RAD54L: variants seen among roughly 807,000 people sequenced by gnomAD.
The protein encoded by RAD54L is RAD54 like.
A neutral mutation model predicts 91.6 loss-of-function variants in RAD54L; 74 were observed. That is an observed-to-expected ratio of 0.81 (90% CI 0.67 to 0.98). RAD54L has a LOEUF of 0.98. Ranked by LOEUF, RAD54L falls within the 50% of genes least tolerant of loss-of-function variation. The probability of loss-of-function intolerance (pLI) is 0.00; values close to 1 mark genes in which losing one functional copy is unlikely to be tolerated. For missense variants in RAD54L, 887 were observed against 945.7 expected (o/e 0.94, Z 0.81); for synonymous variants, 304 against 349.7 (o/e 0.87, Z 1.46).
chr1:46,253,389 G>A (rs564230865), intron 3 of RAD54L, among the ~76,000 whole-genome samples: 11 of 152,292 alleles, frequency 7.2e-5, no homozygotes, highest in South Asian at 6.2e-4. Context: ...CTAGGCGGGC[G>A]GATCACAAGG....
chr1:46,271,310 CTCCTGCCCT>C (rs1557706595), intron 10 of RAD54L, among the ~76,000 whole-genome samples: 1 of 152,180 alleles, frequency 6.6e-6, no homozygotes, highest in Admixed American at 6.5e-5. Context: ...CTAAAGAGTC[CTCCTGCCCT>C]TCCCAACAAC....
chr1:46,259,215 A>G lies in RAD54L; in HGVS notation c.271+469A>G, dbSNP rs558999014. Among the ~76,000 whole-genome samples, 23 of 149,610 alleles carry G rather than the reference A, an allele frequency of 1.5e-4. No homozygotes were observed. The South Asian group carries it at 2.3e-3, about 15-fold the overall frequency. On this transcript the variant is annotated intron_variant, in intron 4 of 17. Coordinates refer to ENST00000371975, the MANE Select transcript of RAD54L (RefSeq NM_003579.4). ...AATTTAATAGAGATAGGATTTCACT[A>G]TGTTGGCCAGGCTGATCTCGAACTC...
At chr1:46,253,720 C>T (rs1167407868) in intron 3 of RAD54L, among the ~76,000 whole-genome samples, 31 of 83,626 alleles carry the variant, frequency 3.7e-4, no homozygotes, top group South Asian at 4.6e-4. Flanking sequence ...CTTAGGTACT[C>T]TTTTTTTTTT....
At chr1:46,273,505 G>A (rs1313090332) in intron 13 of RAD54L, 40 bp downstream of exon 13, 3 of 1,610,222 alleles carry the variant, frequency 1.9e-6, no homozygotes, top group Non-Finnish European at 2.5e-6. Flanking sequence ...TCTCTAGGAG[G>A]AGGGTGGGAG....
chr1:46,277,900 T>TG lies in RAD54L; in HGVS notation c.1954dup (p.Val652GlyfsTer18). ...GCTGTGTGGTGGATGAGGAGCAGGA[T>TG]GTAGAGCGCCACTTCTCTCTGGGCG... On this transcript the variant is annotated frameshift_variant, in exon 17 of 18. Transcript: ENST00000371975. LOFTEE classifies it high-confidence loss of function. The TG allele has an allele frequency of 6.2e-7, 1 of 1,614,032 alleles. No individual in the cohort carries two copies. Among genetic ancestry groups the TG allele is most frequent in the East Asian group, 2.2e-5 (1 of 44,878 alleles).
chr1:46,249,463 G>C (rs1165903042), intron 2 of RAD54L, among the ~76,000 whole-genome samples: 1 of 152,220 alleles, frequency 6.6e-6, no homozygotes, highest in Non-Finnish European at 1.5e-5. Flanking sequence ...CCCTTGCCAT[G>C]TACATGGGTC....
At chr1:46,252,788 A>G (rs916306890) in intron 3 of RAD54L, among the ~76,000 whole-genome samples, 3 of 152,150 alleles carry the variant, frequency 2.0e-5, no homozygotes, top group South Asian at 4.1e-4. Flanking sequence ...ATGTACTTGC[A>G]GGCCAGGTGT....
intron 9 of RAD54L, among the ~76,000 whole-genome samples, chr1:46,270,318 G>A (rs576356304): frequency 1.3e-5 from 2 of 151,428 alleles, no homozygotes; most frequent in South Asian, 2.1e-4. Flanking sequence ...GCAGTGAGCC[G>A]AGATTGCACT....
chr1:46,275,949 G>A (rs1300244571), intron 16 of RAD54L, among the ~76,000 whole-genome samples: 2 of 138,010 alleles, frequency 1.4e-5, no homozygotes, highest in Non-Finnish European at 3.2e-5. Flanking sequence ...ACAGGATCCC[G>A]TCTTAAAAAA....
At position 46,272,453 on chromosome 1, in the gene RAD54L, C is replaced by G; in HGVS notation, c.1170-13C>G. 1 of 1,596,246 alleles carries G rather than the reference C, an allele frequency of 6.3e-7. No homozygotes were observed. The highest frequency in any genetic ancestry group is 8.6e-7 in the Non-Finnish European group (1 of 1,163,842). On this transcript the variant is annotated splice_polypyrimidine_tract_variant and intron_variant, in intron 10 of 17. Transcript: ENST00000371975. The stretch of plus-strand genomic sequence containing the variant: ...TTTACCAGCCTCTTGCCTTTTTATC[C>G]TGTTTTCTCTAGATGCCTGATACGG...
Position 46,278,123 on chromosome 1 carries a change from T to A in RAD54L, c.2085T>A (p.Asp695Glu), listed in dbSNP as rs1306812144. Residue 695 changes from aspartate (D) to glutamate (E), a missense_variant, in exon 18 of 18, where the codon GAT becomes GAA. By Grantham distance (45) the Asp-to-Glu change is conservative. Transcript: ENST00000371975. ...VNSRQIRPPP[D>E]GSDCTSDLAG... ...GCCGTCAGATCCGGCCACCCCCTGA[T>A]GGTTCTGACTGCACTTCAGACCTGG... 1 of 1,613,982 alleles carries A rather than the reference T, an allele frequency of 6.2e-7. No individual in the cohort carries two copies.
intron 16 of RAD54L, among the ~76,000 whole-genome samples, chr1:46,276,324 T>C (rs527823707): frequency 8.5e-5 from 13 of 152,222 alleles, no homozygotes; most frequent in African/African-American, 3.1e-4. Flanking sequence ...CACACCCGGA[T>C]AACTTTTTTT....
chr1:46,270,091 C>T (rs997862848), intron 9 of RAD54L, among the ~76,000 whole-genome samples: 4 of 151,730 alleles, frequency 2.6e-5, no homozygotes, highest in African/African-American at 4.8e-5. Context: ...AAAAATTGGC[C>T]GGGCACGGTG....
At chr1:46,253,508 C>G (rs1659856938) in intron 3 of RAD54L, among the ~76,000 whole-genome samples, 1 of 151,898 alleles carries the variant, frequency 6.6e-6, no homozygotes, top group South Asian at 2.1e-4. Context: ...GTAGTCCTAG[C>G]TACTCGAGAG....
intron 16 of RAD54L, among the ~76,000 whole-genome samples, chr1:46,274,970 A>G (rs1660551658): frequency 6.6e-6 from 1 of 152,044 alleles, no homozygotes; most frequent in Non-Finnish European, 1.5e-5. Context: ...TCCCTCATAC[A>G]TGATTTCTGC....
At chr1:46,266,653 G>C (rs1660273259) in intron 8 of RAD54L, among the ~76,000 whole-genome samples, 1 of 152,186 alleles carries the variant, frequency 6.6e-6, no homozygotes, top group African/African-American at 2.4e-5. Flanking sequence ...GGATTCTGGT[G>C]GGACATGGAG....
intron 8 of RAD54L, 51 bp downstream of exon 8, chr1:46,261,436 C>T (rs760854732): frequency 6.2e-7 from 1 of 1,608,372 alleles, no homozygotes; most frequent in Admixed American, 1.7e-5. Flanking sequence ...GTCAAAATCT[C>T]TTCACTGAGT....
chr1:46,272,807 G>A lies in RAD54L; in HGVS notation c.1375+5G>A, dbSNP rs2148300702. ...CGCTAAAGAAGCTTTGTAATCGTGA[G>A]TTGGGCTTGTGTCCTGGTGTCCTCT... is the stretch of plus-strand genomic sequence containing the variant. On this transcript the variant is annotated splice_donor_5th_base_variant and intron_variant, in intron 12 of 17. Coordinates refer to ENST00000371975, the MANE Select transcript of RAD54L (RefSeq NM_003579.4). The A allele has an allele frequency of 1.2e-6, 2 of 1,614,134 alleles. No individual in the cohort carries two copies. Among genetic ancestry groups the A allele is most frequent in the African/African-American group, 1.3e-5 (1 of 75,026 alleles).
Position 46,273,516 on chromosome 1 carries a change from A to AT in RAD54L, c.1486+60dup, listed in dbSNP as rs201647115. The AT allele has an allele frequency of 3.3e-3, 5,290 of 1,601,386 alleles. 6 individuals carry two copies. Among genetic ancestry groups the AT allele is most frequent in the Middle Eastern group, 3.8e-3 (19 of 5,038 alleles). ...GGCTTCTCTAGGAGGAGGGTGGGAGATTTTTTTTTGTGCTAGGGCTGTCCT... is the reference window on the plus strand; with the variant it reads ...GGCTTCTCTAGGAGGAGGGTGGGAGATTTTTTTTTTGTGCTAGGGCTGTCCT... On this transcript the variant is annotated intron_variant, in intron 13 of 17. Transcript: ENST00000371975.
Sources: gnomAD v4.1 joint callset for allele counts (sites outside exome capture counted in the v4.1 genomes callset) on GRCh38, gnomAD v4.1.1 for gene constraint, MANE v1.5 for transcripts, NCBI Gene and HGNC (gene_info 2026-07-23, HGNC 2026-07-21) for gene names.